The following ALK variants were observed in gnomAD, a reference collection of about 807,000 sequenced individuals.
ALK encodes the protein ALK tyrosine kinase receptor.
In ALK, 74 loss-of-function variants were observed where a neutral mutation model predicts 163.1. That is an observed-to-expected ratio of 0.45 (90% CI 0.38 to 0.55). The LOEUF (loss-of-function observed/expected upper bound fraction) is 0.55. ALK is among the 20% of genes least tolerant of loss of function. The pLI is 0.00. For synonymous variants in ALK, 960 were observed against 843.2 expected, an observed-to-expected ratio of 1.14 and a Z score of -2.40; for missense variants, 2,063 against 2,105.3, an observed-to-expected ratio of 0.98 and a Z score of 0.39.
chr2:29,511,718 A>G (rs975844742), intron 4 of ALK, among the ~76,000 whole-genome samples: 13 of 152,148 alleles, frequency 8.5e-5, no homozygotes, highest in African/African-American at 2.9e-4. Flanking sequence ...AAATGTTCCA[A>G]TTGTTTTTCC....
In ALK at chr2:29,227,141, T is replaced by C; in HGVS notation, c.2915-67A>G. The C allele has an allele frequency of 1.2e-6, 2 of 1,605,798 alleles. No homozygotes were observed. Among genetic ancestry groups the C allele is most frequent in the Non-Finnish European group, 1.7e-6 (2 of 1,173,334 alleles). The stretch of plus-strand genomic sequence containing the variant: ...CTCCCCACTCCCAGCCTCAGTACTA[T>C]GTCTCCAGGTGGTCACTGTGGGTGC... On this transcript the variant is annotated intron_variant, in intron 17 of 28. Transcript: ENST00000389048. This position sits in a 1 kb window ranked among gnomAD's most constrained non-coding sequence, Gnocchi z 4.4.
At chr2:29,435,071 AAG>A (rs1244069086) in intron 4 of ALK, among the ~76,000 whole-genome samples, 50 of 152,150 alleles carry the variant, frequency 3.3e-4, no homozygotes, top group Non-Finnish European at 6.0e-4. Context: ...ATATCAAGCA[AAG>A]CCCTTGGGAC....
intron 3 of ALK, among the ~76,000 whole-genome samples, chr2:29,586,241 A>T (rs1274997612): frequency 1.4e-5 from 2 of 145,742 alleles, no homozygotes; most frequent in Non-Finnish European, 3.0e-5. Context: ...GGATATTAAC[A>T]TTTTTTTTTT....
intron 1 of ALK, among the ~76,000 whole-genome samples, chr2:29,800,536 ACTC>A (rs1163244982): frequency 1.3e-5 from 2 of 151,994 alleles, no homozygotes; most frequent in African/African-American, 4.8e-5. Flanking sequence ...GGGACAGAGA[ACTC>A]CTTACAACCC....
intron 8 of ALK, among the ~76,000 whole-genome samples, chr2:29,300,554 C>CAAAAAAAAA (rs10715550): frequency 3.1e-5 from 3 of 95,526 alleles, no homozygotes; most frequent in Non-Finnish European, 4.2e-5. Flanking sequence ...GACTCTGTCT[C>CAAAAAAAAA]AAAAAAAAAA....
chr2:29,612,738 A>G (rs1474631715), intron 3 of ALK, among the ~76,000 whole-genome samples: 1 of 151,628 alleles, frequency 6.6e-6, no homozygotes, highest in Non-Finnish European at 1.5e-5. Context: ...TGGGGATGGG[A>G]AAATGGGAGC....
intron 1 of ALK, among the ~76,000 whole-genome samples, chr2:29,755,739 T>C (rs1440013417): frequency 6.6e-6 from 1 of 152,092 alleles, no homozygotes; most frequent in Non-Finnish European, 1.5e-5. Flanking sequence ...TCATAGAGCT[T>C]GCCAATGAGA....
intron 1 of ALK, among the ~76,000 whole-genome samples, chr2:29,721,348 G>T (rs1469609114): frequency 2.0e-5 from 3 of 152,118 alleles, no homozygotes; most frequent in Non-Finnish European, 4.4e-5. Flanking sequence ...TGTGGTAGTG[G>T]GAGAAGAGGG....
chr2:29,227,709 G>T lies in ALK; in HGVS notation c.2816-37C>A, dbSNP rs770522197. 3 of 1,558,146 alleles carry T rather than the reference G, an allele frequency of 1.9e-6. No individual in the cohort carries two copies. The highest frequency in any genetic ancestry group is 2.2e-5 in the South Asian group (2 of 89,900). ...ACCAGAGCAGAGTTTAACATGGGGG[G>T]TGGGTGCCAAAATCTTAACACACAC... On this transcript the variant is annotated intron_variant, in intron 16 of 28. Transcript: ENST00000389048. This position sits in a 1 kb window ranked among gnomAD's most constrained non-coding sequence, Gnocchi z 4.4.
chr2:29,849,478 G>T (rs1370607292), intron 1 of ALK, among the ~76,000 whole-genome samples: 1 of 152,144 alleles, frequency 6.6e-6, no homozygotes, highest in East Asian at 1.9e-4. Context: ...CTAAGTGCTC[G>T]GCCAAATGTG....
At chr2:29,263,083 T>G (rs1413396207) in intron 11 of ALK, among the ~76,000 whole-genome samples, 1 of 152,232 alleles carries the variant, frequency 6.6e-6, no homozygotes, top group Non-Finnish European at 1.5e-5. Flanking sequence ...ATCTGCAGGT[T>G]ACGCATAATG....
chr2:29,698,153 T>C (rs1678627427), intron 2 of ALK, among the ~76,000 whole-genome samples: 1 of 152,178 alleles, frequency 6.6e-6, no homozygotes, highest in African/African-American at 2.4e-5. Context: ...GCTCTCACTT[T>C]GTTTGAGTTG....
intron 22 of ALK, chr2:29,221,069 G>A: frequency 1.6e-6 from 1 of 643,176 alleles, no homozygotes; most frequent in Non-Finnish European, 2.9e-6. Context: ...GAGAGTGGCT[G>A]GAGCTGTGAG....
At chr2:29,452,451 C>T (rs1243849926) in intron 4 of ALK, among the ~76,000 whole-genome samples, 7 of 151,814 alleles carry the variant, frequency 4.6e-5, no homozygotes, top group Non-Finnish European at 7.4e-5. Context: ...CCCTCTTACA[C>T]TTTCTTTATA....
chr2:29,413,155 T>G (rs1250990584), intron 4 of ALK, among the ~76,000 whole-genome samples: 2 of 152,160 alleles, frequency 1.3e-5, no homozygotes, highest in Non-Finnish European at 2.9e-5. Context: ...GGGACCATGA[T>G]GAACAAAACA....
intron 5 of ALK, among the ~76,000 whole-genome samples, chr2:29,377,707 C>T (rs1668791123): frequency 6.6e-6 from 1 of 152,118 alleles, no homozygotes; most frequent in South Asian, 2.1e-4. Context: ...TTCAAACACC[C>T]TCATTTTAGC....
intron 1 of ALK, among the ~76,000 whole-genome samples, chr2:29,735,691 T>C (rs1408343443): frequency 6.6e-6 from 1 of 152,054 alleles, no homozygotes; most frequent in Non-Finnish European, 1.5e-5. Flanking sequence ...CATGCTGCTG[T>C]TCTCATGATA....
At chr2:29,645,969 C>A (rs1012390692) in intron 3 of ALK, among the ~76,000 whole-genome samples, 16 of 152,112 alleles carry the variant, frequency 1.1e-4, no homozygotes, top group Non-Finnish European at 4.4e-5. Flanking sequence ...GGGAAATCTC[C>A]TTCAGTCTCA....
At chr2:29,860,144 C>G (rs981830963) in intron 1 of ALK, among the ~76,000 whole-genome samples, 4 of 152,130 alleles carry the variant, frequency 2.6e-5, no homozygotes, top group Admixed American at 2.0e-4. Context: ...AAATGTTCCC[C>G]TTGGAAGCTG....
Sources: gnomAD v4.1 joint callset for allele counts (sites outside exome capture counted in the v4.1 genomes callset) on GRCh38, gnomAD v4.1.1 for gene constraint, Gnocchi (gnomAD v3.1) non-coding constraint, MANE v1.5 for transcripts, NCBI Gene and HGNC (gene_info 2026-07-23, HGNC 2026-07-21) for gene names.